RIC3: variants seen among roughly 807,000 people sequenced by gnomAD.
The protein encoded by RIC3 is protein RIC-3.
RIC3 carries 28 observed loss-of-function variants against 27.3 expected under a neutral mutation model. The ratio of observed to expected loss-of-function variants is 1.02; its 90% CI spans 0.76 to 1.41. The LOEUF is 1.41. Among genes scored for constraint, RIC3 ranks in the 40% most tolerant of loss-of-function variants. The pLI is 0.00. For synonymous variants in RIC3, 184 were observed against 160.4 expected (o/e 1.15, Z -1.11); for missense variants, 501 against 444.7 (o/e 1.13, Z -1.14).
chr11:8,127,666 A>G (rs538121220), intron 4 of RIC3, among the ~76,000 whole-genome samples: 89 of 152,344 alleles, frequency 5.8e-4, no homozygotes, highest in South Asian at 1.4e-3. Flanking sequence ...ACTGATAACT[A>G]TCTGCTTTGA....
chr11:8,160,733 A>C (rs1374146223), intron 1 of RIC3, among the ~76,000 whole-genome samples: 1 of 152,208 alleles, frequency 6.6e-6, no homozygotes, highest in Non-Finnish European at 1.5e-5. Context: ...CTCTTTCATG[A>C]ACTGTCTTAG....
intron 5 of RIC3, among the ~76,000 whole-genome samples, chr11:8,122,770 A>G (rs1032143377): frequency 2.0e-5 from 3 of 151,940 alleles, no homozygotes; most frequent in African/African-American, 7.3e-5. Context: ...TAACCTAATA[A>G]ATCCAACACT....
At chr11:8,095,632 G>C in the RIC3 span, 10 of 1,608,532 alleles carry the variant, frequency 6.2e-6, no homozygotes, top group Middle Eastern at 1.6e-4. Context: ...ACGGCCCAGC[G>C]GGCAGGATCT....
chr11:8,140,514 G>A (rs903695589), intron 1 of RIC3, among the ~76,000 whole-genome samples: 1 of 152,128 alleles, frequency 6.6e-6, no homozygotes, highest in Non-Finnish European at 1.5e-5. Flanking sequence ...CTCAAGGCCT[G>A]GTCTATAAAA....
chr11:8,140,630 A>G (rs1389277880), intron 1 of RIC3, among the ~76,000 whole-genome samples: 1 of 152,178 alleles, frequency 6.6e-6, no homozygotes, highest in Non-Finnish European at 1.5e-5. Context: ...GCCTCCATCA[A>G]CCTGATTCCT....
chr11:8,126,888 G>C (rs1947047867), intron 4 of RIC3, 81 bp from the exon 5 acceptor site: 6 of 1,546,778 alleles, frequency 3.9e-6, no homozygotes, highest in Non-Finnish European at 5.3e-6. Flanking sequence ...GGTCTGTCTG[G>C]GTACTGGAAT....
At chr11:8,135,981 T>A (rs572169412) in intron 4 of RIC3, 1 of 152,240 alleles carries the variant, frequency 6.6e-6, no homozygotes, top group Admixed American at 6.5e-5. Flanking sequence ...AATTGTTCAA[T>A]AAATATCAAT....
chr11:8,149,229 TA>T (rs199509934), intron 1 of RIC3, among the ~76,000 whole-genome samples: 19 of 149,010 alleles, frequency 1.3e-4, no homozygotes, highest in Non-Finnish European at 2.7e-4. Flanking sequence ...TAAAAAATAA[TA>T]AAAAAAACAG....
intron 5 of RIC3, among the ~76,000 whole-genome samples, chr11:8,111,735 GCTT>G (rs1237799617): frequency 3.9e-5 from 6 of 152,214 alleles, no homozygotes; most frequent in African/African-American, 1.2e-4. Context: ...CCTGTTGTTG[GCTT>G]CTTCATCTTC....
chr11:8,165,051 G>A (rs978956924), intron 1 of RIC3, among the ~76,000 whole-genome samples: 1 of 152,158 alleles, frequency 6.6e-6, no homozygotes, highest in Non-Finnish European at 1.5e-5. Flanking sequence ...TACACTGCTG[G>A]TGGTCATGTA....
downstream of RIC3, chr11:8,101,798 A>T: frequency 2.1e-4 from 189 of 900,228 alleles, no homozygotes; most frequent in Middle Eastern, 8.3e-4. Context: ...CTACTGAGGC[A>T]GGGGAGTAGT....
chr11:8,149,214 T>C (rs1950006259), intron 1 of RIC3, among the ~76,000 whole-genome samples: 2 of 149,222 alleles, frequency 1.3e-5, no homozygotes, highest in South Asian at 2.1e-4. Context: ...AAATAAATAA[T>C]ATAATAAAAA....
chr11:8,165,774 T>C (rs11041774), intron 1 of RIC3, among the ~76,000 whole-genome samples: 7 of 139,824 alleles, frequency 5.0e-5, no homozygotes, highest in Admixed American at 4.9e-4. Flanking sequence ...GGGTTTTTTT[T>C]TTGTTTTGTT....
downstream of RIC3, chr11:8,104,747 A>ATACTC (rs1564932614): frequency 6.6e-6 from 1 of 152,084 alleles, no homozygotes; most frequent in African/African-American, 2.4e-5. Context: ...GAAATTGAAC[A>ATACTC]TACTCTAGTG....
chr11:8,133,420 G>A (rs1238427668), intron 4 of RIC3, among the ~76,000 whole-genome samples: 1 of 152,150 alleles, frequency 6.6e-6, no homozygotes, highest in South Asian at 2.1e-4. Flanking sequence ...AGGATAAAAG[G>A]TGTTGGATTA....
chr11:8,103,334 A>G (rs1213853190), downstream of RIC3: 2 of 152,230 alleles, frequency 1.3e-5, no homozygotes, highest in Non-Finnish European at 2.9e-5. Context: ...ATTGGTGGGA[A>G]GCAAGCAGGG....
At position 8,110,209 on chromosome 11, in the gene RIC3, C is replaced by T; in HGVS notation, c.*489G>A. 1 of 224,118 alleles carries T rather than the reference C, an allele frequency of 4.5e-6. No individual in the cohort carries two copies. The highest frequency in any genetic ancestry group is 1.1e-4 in the East Asian group (1 of 9,070). 13.9% of individuals were successfully genotyped at this position (224,118 alleles called of 1,614,324 possible). On this transcript the variant is annotated 3_prime_UTR_variant, in exon 6 of 6. Coordinates refer to ENST00000309737, the MANE Select transcript of RIC3 (RefSeq NM_001206671.4). ...TCTTACCCTCCTCTGGGCCCATTAG[C>T]CCCACAAACAAAATGTTCTCTTCTC...
Position 8,168,795 on chromosome 11 carries a change from CCCCT to C in RIC3, c.124+67_124+70del, listed in dbSNP as rs2134448433. Reference sequence around the variant, plus strand: ...TGAAGGCTGCAGACTCTCAGAGTCACCCCTCCCTCAAGCAGCGTTCTCCGTACTC... The same window carrying C: ...TGAAGGCTGCAGACTCTCAGAGTCACCCCTCAAGCAGCGTTCTCCGTACTC... On this transcript the variant is annotated intron_variant, in intron 1 of 5. Coordinates refer to ENST00000309737, the MANE Select transcript of RIC3 (RefSeq NM_001206671.4). 3.2e-6 allele frequency: 5 copies of C among 1,547,004 alleles called. No individual in the cohort carries two copies. The South Asian group carries it at 5.9e-5, about 18-fold the overall frequency.
the RIC3 span, chr11:8,095,777 T>C: frequency 2.0e-4 from 234 of 1,167,448 alleles, 1 homozygote; most frequent in African/African-American, 3.2e-3. Flanking sequence ...CTGGCAATGG[T>C]GGGTGAGGGT....
Sources: gnomAD v4.1 joint callset for allele counts (sites outside exome capture counted in the v4.1 genomes callset) on GRCh38, gnomAD v4.1.1 for gene constraint, MANE v1.5 for transcripts, NCBI Gene and HGNC (gene_info 2026-07-23, HGNC 2026-07-21) for gene names.